The following PPP1R9A variants were observed in gnomAD, a reference collection of about 807,000 sequenced individuals.
PPP1R9A encodes protein phosphatase 1 regulatory subunit 9A, also known as neurabin-1.
A neutral mutation model predicts 141.9 loss-of-function variants in PPP1R9A; 59 were observed. The observed-to-expected ratio is 0.42, with a 90% CI of 0.34 to 0.52. PPP1R9A has a LOEUF of 0.52. PPP1R9A is among the 20% of genes least tolerant of loss of function. PPP1R9A has a pLI of 0.10. For missense variants in PPP1R9A, 1,444 were observed against 1,611.9 expected (o/e 0.90, Z 1.78); for synonymous variants, 500 against 569.7 (o/e 0.88, Z 1.74).
chr7:95,062,412 T>C (rs1476920702), intron 2 of PPP1R9A, among the ~76,000 whole-genome samples: 1 of 151,268 alleles, frequency 6.6e-6, no homozygotes, highest in South Asian at 2.1e-4. Context: ...TTCCATAGAT[T>C]AGGGAATTTT....
chr7:94,919,221 C>T (rs561489386), intron 2 of PPP1R9A, among the ~76,000 whole-genome samples: 56 of 152,160 alleles, frequency 3.7e-4, no homozygotes, highest in African/African-American at 1.3e-3. Context: ...CCTTGAACTC[C>T]TGCGCACAAG....
At chr7:95,053,571 A>G (rs1811097500) in intron 2 of PPP1R9A, among the ~76,000 whole-genome samples, 1 of 152,202 alleles carries the variant, frequency 6.6e-6, no homozygotes, top group African/African-American at 2.4e-5. Flanking sequence ...CGTAGATGTA[A>G]TTTTACTTTT....
At chr7:95,175,441 G>A (rs895873021) in intron 5 of PPP1R9A, among the ~76,000 whole-genome samples, 35 of 151,300 alleles carry the variant, frequency 2.3e-4, no homozygotes, top group African/African-American at 7.3e-4. Flanking sequence ...GATGGTGAGA[G>A]GTATAACTAT....
rs916778090 is a variant in PPP1R9A at position 95,005,565 on chromosome 7, T to C, written c.1395+94057T>C. ...TATGCAAAAAAGAAAATCCACAGAA[T>C]GGTTTTAAATTACAAACTCACCTTG... On this transcript the variant is annotated intron_variant, in intron 2 of 19. Transcript: ENST00000433360. Among the ~76,000 whole-genome samples, 18 of 152,302 alleles carry C rather than the reference T, an allele frequency of 1.2e-4. No individual in the cohort carries two copies. In the East Asian group the frequency reaches 3.3e-3, roughly 28 times the overall value.
chr7:95,253,542 G>A (rs1292742537), intron 12 of PPP1R9A, among the ~76,000 whole-genome samples: 1 of 148,376 alleles, frequency 6.7e-6, no homozygotes, highest in East Asian at 2.0e-4. Flanking sequence ...AGCTGAAAGA[G>A]GAGGATTTAG....
chr7:95,251,739 A>C, intron 10 of PPP1R9A, 23 bp from the exon 11 acceptor site: 2 of 1,592,176 alleles, frequency 1.3e-6, no homozygotes, highest in Non-Finnish European at 1.7e-6. Flanking sequence ...TGATATAATC[A>C]GAACTATTAT....
At chr7:94,993,696 A>T (rs1182500835) in intron 2 of PPP1R9A, among the ~76,000 whole-genome samples, 1 of 152,162 alleles carries the variant, frequency 6.6e-6, no homozygotes, top group Non-Finnish European at 1.5e-5. Flanking sequence ...CGGTGCTAGT[A>T]TCTAGAAATG....
chr7:95,247,629 G>A (rs1393735468), intron 9 of PPP1R9A, 103 bp downstream of exon 9: 5 of 949,710 alleles, frequency 5.3e-6, no homozygotes, highest in Non-Finnish European at 7.8e-6. Flanking sequence ...ATATTTGAAA[G>A]AATGCAAATG....
chr7:95,100,829 C>T (rs1398219676), intron 2 of PPP1R9A, among the ~76,000 whole-genome samples: 2 of 151,150 alleles, frequency 1.3e-5, no homozygotes, highest in Non-Finnish European at 2.9e-5. Context: ...GACACATCCC[C>T]AGGTTCTTTG....
At chr7:95,251,441 G>A (rs1798862635) in intron 10 of PPP1R9A, among the ~76,000 whole-genome samples, 1 of 152,098 alleles carries the variant, frequency 6.6e-6, no homozygotes, top group Non-Finnish European at 1.5e-5. Context: ...ATTTCTACCT[G>A]ACAAGTAATT....
At chr7:95,051,822 TA>T (rs1431338086) in intron 2 of PPP1R9A, among the ~76,000 whole-genome samples, 1 of 149,878 alleles carries the variant, frequency 6.7e-6, no homozygotes, top group Non-Finnish European at 1.5e-5. Flanking sequence ...CCAGATGCAT[TA>T]AAATTTTTTT....
intron 5 of PPP1R9A, among the ~76,000 whole-genome samples, chr7:95,181,653 C>T (rs1207677084): frequency 1.9e-4 from 23 of 124,070 alleles, no homozygotes; most frequent in East Asian, 4.5e-4. Context: ...ATATATATTC[C>T]GTCACATATA....
intron 4 of PPP1R9A, among the ~76,000 whole-genome samples, chr7:95,141,812 C>T (rs1281094163): frequency 6.6e-6 from 1 of 151,998 alleles, no homozygotes; most frequent in Non-Finnish European, 1.5e-5. Context: ...CTTTTGGGCT[C>T]TTAAGAATAA....
rs188721243 is a variant in PPP1R9A at position 94,973,647 on chromosome 7, T to C, written c.1395+62139T>C. On this transcript the variant is annotated intron_variant, in intron 2 of 19. Transcript: ENST00000433360. ...GAATTAGGAAGATGACCTTTATTTA[T>C]GGTATATAAGTCAAGTTATAGAACA... Among the ~76,000 whole-genome samples, 578 of 152,228 alleles carry C rather than the reference T, an allele frequency of 3.8e-3. 4 individuals are homozygous for C. Among genetic ancestry groups the C allele is most frequent in the African/African-American group, 0.013 (542 of 41,538 alleles).
intron 3 of PPP1R9A, among the ~76,000 whole-genome samples, chr7:95,113,242 A>G (rs1820882336): frequency 6.6e-6 from 1 of 151,946 alleles, no homozygotes; most frequent in Non-Finnish European, 1.5e-5. Context: ...GAATTCTCAA[A>G]TGACAGAGCA....
chr7:95,195,280 G>GT (rs375295273), intron 5 of PPP1R9A, among the ~76,000 whole-genome samples: 6,610 of 141,660 alleles, frequency 0.047, 424 homozygotes, highest in East Asian at 0.36. Flanking sequence ...AAAGCCATCA[G>GT]TTTTTTTTTT....
At chr7:94,961,917 T>C (rs577243898) in intron 2 of PPP1R9A, among the ~76,000 whole-genome samples, 10 of 152,038 alleles carry the variant, frequency 6.6e-5, no homozygotes, top group Admixed American at 2.6e-4. Context: ...ATTTTATAAA[T>C]ATTTCAATGC....
rs1324480344 is a variant in PPP1R9A at position 95,250,118 on chromosome 7, G to A, written c.2259G>A (p.Lys753=). The change falls in exon 10 of 20, where the codon AAG becomes AAA. Residue 753 remains lysine, a synonymous_variant. Coordinates refer to ENST00000433360, the MANE Select transcript of PPP1R9A (RefSeq NM_001166160.2). ...AAGAGAATAAGGAAAGAATGTTGAA[G>A]TTGGAAAGCTACTGGATTGAGGCCC... ...NIEENKERML[K]LESYWIEAQT... is the part of the protein sequence containing the mutation. The A allele has an allele frequency of 1.9e-6, 3 of 1,613,790 alleles. No homozygotes were observed.
chr7:95,064,486 C>G (rs114439473), intron 2 of PPP1R9A, among the ~76,000 whole-genome samples: 2,040 of 152,258 alleles, frequency 0.013, 49 homozygotes, highest in African/African-American at 0.047. Flanking sequence ...ACAAAAAGCA[C>G]AAACTTACAA....
Sources: gnomAD v4.1 joint callset for allele counts (sites outside exome capture counted in the v4.1 genomes callset) on GRCh38, gnomAD v4.1.1 for gene constraint, MANE v1.5 for transcripts, NCBI Gene and HGNC (gene_info 2026-07-23, HGNC 2026-07-21) for gene names.